Variants in SIPA1L1 observed in about 807,000 individuals in gnomAD.
SIPA1L1 encodes signal-induced proliferation-associated 1-like protein 1.
A neutral mutation model predicts 162.7 loss-of-function variants in SIPA1L1; 26 were observed. The observed-to-expected ratio is 0.16, with a 90% confidence interval of 0.12 to 0.22. The LOEUF is 0.22. Among genes scored for constraint, SIPA1L1 ranks in the 10% least tolerant of loss-of-function variants. The probability of loss-of-function intolerance (pLI) is 1.00; values close to 1 mark genes in which losing one functional copy is unlikely to be tolerated. For synonymous variants in SIPA1L1, 829 were observed against 837.4 expected, an observed-to-expected ratio of 0.99 and a Z score of 0.17; for missense variants, 1,874 against 2,241.0, an observed-to-expected ratio of 0.84 and a Z score of 3.31.
At chr14:71,702,615 T>C in intron 15 of SIPA1L1, 110 bp downstream of exon 15, 1 of 944,582 alleles carries the variant, frequency 1.1e-6, no homozygotes. Flanking sequence ...AGTTAATAAA[T>C]ATGAATTAGA....
chr14:71,637,481 G>A (rs1359801280), intron 7 of SIPA1L1, among the ~76,000 whole-genome samples: 2 of 152,026 alleles, frequency 1.3e-5, no homozygotes, highest in Non-Finnish European at 2.9e-5. Flanking sequence ...TATAATCTCA[G>A]CAACTCAGGA....
chr14:71,650,142 T>C, intron 7 of SIPA1L1, 193 bp from the exon 8 acceptor site: 3 of 657,254 alleles, frequency 4.6e-6, no homozygotes, highest in Non-Finnish European at 2.7e-6. Flanking sequence ...TTCTGGCCTT[T>C]TCTCAGTTCA....
At position 71,377,491 on chromosome 14, in the gene SIPA1L1, G is replaced by C. The variant is rs1282507904; in HGVS notation, c.-465+56310G>C. On this transcript the variant is annotated intron_variant, in intron 2 of 23. Transcript: ENST00000381232. The surrounding 1 kb of genome is among the most constrained non-coding windows in gnomAD (Gnocchi z 4.8). ...AGGCAGAGACGCTCCTCACTTCCCA[G>C]ACTGGGTGGCCAGGCAGAGGGGCTC... is the stretch of plus-strand genomic sequence containing the variant. Among the ~76,000 whole-genome samples, 2 of 151,470 alleles carry C rather than the reference G, an allele frequency of 1.3e-5. No homozygotes were observed. The highest frequency in any genetic ancestry group is 1.3e-4 in the Admixed American group (2 of 15,226).
intron 2 of SIPA1L1, among the ~76,000 whole-genome samples, chr14:71,357,572 G>GT (rs893246833): frequency 6.6e-6 from 1 of 151,706 alleles, no homozygotes; most frequent in African/African-American, 2.4e-5. Context: ...GTGCTCTTTT[G>GT]TTTTTTTGAA....
chr14:71,428,368 C>T (rs567655493), intron 2 of SIPA1L1, among the ~76,000 whole-genome samples: 17 of 150,912 alleles, frequency 1.1e-4, no homozygotes, highest in East Asian at 5.8e-4. Flanking sequence ...TTATGATTTG[C>T]GGTTTTTTTT....
At chr14:71,595,892 C>G (rs1400287941) in intron 5 of SIPA1L1, among the ~76,000 whole-genome samples, 1 of 152,192 alleles carries the variant, frequency 6.6e-6, no homozygotes, top group Admixed American at 6.5e-5. Context: ...ATTCCCAATT[C>G]TTTATGTAAC....
At chr14:71,462,970 A>G (rs1156641739) in intron 2 of SIPA1L1, among the ~76,000 whole-genome samples, 1 of 152,122 alleles carries the variant, frequency 6.6e-6, no homozygotes, top group Non-Finnish European at 1.5e-5. Flanking sequence ...GTACCAGGAG[A>G]TATGTTAATT....
At chr14:71,522,502 T>C (rs2052455432) in intron 3 of SIPA1L1, among the ~76,000 whole-genome samples, 1 of 152,180 alleles carries the variant, frequency 6.6e-6, no homozygotes, top group Non-Finnish European at 1.5e-5. Flanking sequence ...TAGTTGAGCA[T>C]CCCTATCTGA....
intron 2 of SIPA1L1, among the ~76,000 whole-genome samples, chr14:71,340,934 G>A (rs1022825785): frequency 2.6e-5 from 4 of 152,298 alleles, no homozygotes; most frequent in South Asian, 2.1e-4. Context: ...GCGAGACTCC[G>A]TCTCAAAAAA....
chr14:71,566,943 T>G (rs575479360), intron 4 of SIPA1L1, among the ~76,000 whole-genome samples: 3 of 152,142 alleles, frequency 2.0e-5, no homozygotes, highest in Non-Finnish European at 4.4e-5. Flanking sequence ...ATATCCATAG[T>G]ATATAAAGGA....
intron 2 of SIPA1L1, among the ~76,000 whole-genome samples, chr14:71,336,368 C>A (rs1420112129): frequency 6.6e-6 from 1 of 152,144 alleles, no homozygotes. Flanking sequence ...CAGCCGCACC[C>A]CTCCTCTCCG....
At chr14:71,497,373 A>G (rs2049874007) in intron 2 of SIPA1L1, among the ~76,000 whole-genome samples, 1 of 152,102 alleles carries the variant, frequency 6.6e-6, no homozygotes, top group African/African-American at 2.4e-5. Flanking sequence ...TCATACACAT[A>G]TACAATCCCA....
At chr14:71,440,887 G>C (rs1263410784) in intron 2 of SIPA1L1, among the ~76,000 whole-genome samples, 1 of 151,984 alleles carries the variant, frequency 6.6e-6, no homozygotes, top group Non-Finnish European at 1.5e-5. Context: ...GATGGTTTTG[G>C]GGTAGGTGAA....
chr14:71,411,164 C>G (rs1290416489), intron 2 of SIPA1L1, among the ~76,000 whole-genome samples: 1 of 151,596 alleles, frequency 6.6e-6, no homozygotes, highest in Non-Finnish European at 1.5e-5. Context: ...GTGGCCTTCT[C>G]CTGATTGCTT....
intron 2 of SIPA1L1, among the ~76,000 whole-genome samples, chr14:71,489,286 C>T (rs2049033719): frequency 6.6e-6 from 1 of 152,158 alleles, no homozygotes; most frequent in African/African-American, 2.4e-5. Context: ...AGGCAGTATG[C>T]CTTTGAAGCT....
intron 2 of SIPA1L1, among the ~76,000 whole-genome samples, chr14:71,392,876 G>A (rs1039074932): frequency 1.3e-5 from 2 of 152,180 alleles, no homozygotes; most frequent in Non-Finnish European, 2.9e-5. Context: ...TAAATACAGG[G>A]ATTATGTATT....
intron 3 of SIPA1L1, among the ~76,000 whole-genome samples, chr14:71,516,245 A>C (rs1036940891): frequency 6.6e-6 from 1 of 152,194 alleles, no homozygotes; most frequent in African/African-American, 2.4e-5. Flanking sequence ...TATTGATTTG[A>C]AGAGTTTAAT....
intron 4 of SIPA1L1, among the ~76,000 whole-genome samples, chr14:71,571,958 G>C (rs1041047635): frequency 2.6e-5 from 4 of 151,994 alleles, no homozygotes; most frequent in Non-Finnish European, 2.9e-5. Context: ...GGCCTGGATA[G>C]TTTATTTTTA....
intron 4 of SIPA1L1, among the ~76,000 whole-genome samples, chr14:71,582,830 A>G (rs955341974): frequency 2.0e-5 from 3 of 152,210 alleles, no homozygotes; most frequent in Non-Finnish European, 2.9e-5. Flanking sequence ...AAGGAGGTAG[A>G]AATTCCATTC....
Sources: allele counts gnomAD v4.1 joint callset (sites outside exome capture counted in the v4.1 genomes callset), GRCh38; gene constraint gnomAD v4.1.1; non-coding constraint Gnocchi (gnomAD v3.1); transcripts MANE v1.5; gene names NCBI Gene and HGNC (gene_info 2026-07-23, HGNC 2026-07-21).